Variants in PIK3AP1 observed in about 807,000 individuals in gnomAD.
The protein encoded by PIK3AP1 is phosphoinositide-3-kinase adaptor protein 1, also known as phosphoinositide 3-kinase adapter protein 1.
Under a neutral mutation model 88.1 loss-of-function variants are expected in PIK3AP1, and 21 were observed. That is an observed-to-expected ratio of 0.24 (90% CI 0.17 to 0.34). The LOEUF is 0.34. Ranked by LOEUF, PIK3AP1 falls within the 10% of genes least tolerant of loss-of-function variation. PIK3AP1 has a pLI of 1.00. For synonymous variants in PIK3AP1, 398 were observed against 400.0 expected (o/e 1.00, Z 0.06); for missense variants, 828 against 1,035.7 (o/e 0.80, Z 2.75).
intron 3 of PIK3AP1, 82 bp downstream of exon 3, chr10:96,656,716 C>G: frequency 6.4e-7 from 1 of 1,555,332 alleles, no homozygotes; most frequent in African/African-American, 1.4e-5. Flanking sequence ...TACAAGAAAC[C>G]ACTCTCTTTA....
At position 96,691,217 on chromosome 10, in the gene PIK3AP1, A is replaced by G. The variant is rs1018778268; in HGVS notation, c.430+18350T>C. Among the ~76,000 whole-genome samples the G allele has an allele frequency of 2.0e-5, 3 of 152,092 alleles. No individual in the cohort carries two copies. The South Asian group carries it at 6.2e-4, about 32-fold the overall frequency. ...TGTCTGTACCTCCCCGAAACCCTCA[A>G]ACTAACTCCCCACTCTCCCCACCTC... On this transcript the variant is annotated intron_variant, in intron 2 of 16. Transcript: ENST00000339364.
rs35035564 is a variant in PIK3AP1 at position 96,648,752 on chromosome 10, C to G, written c.1092G>C (p.Ala364=). Residue 364 remains alanine (A), a synonymous_variant, in exon 7 of 17, where the codon GCG becomes GCC. Coordinates refer to ENST00000339364, the MANE Select transcript of PIK3AP1 (RefSeq NM_152309.3). ...LLLTCPGALQ[A]YSVANKHGHY... ...GGCCATGCTTGTTGGCCACGCTGTA[C>G]GCCTGCAGGGCTCCTGGGCAGGTGA... 6.8e-6 allele frequency: 11 copies of G among 1,610,686 alleles called. No individual in the cohort carries two copies. In the Admixed American group the frequency reaches 1.0e-4, roughly 15 times the overall value.
intron 2 of PIK3AP1, among the ~76,000 whole-genome samples, chr10:96,704,455 C>T (rs1444331353): frequency 3.9e-5 from 6 of 152,262 alleles, no homozygotes; most frequent in East Asian, 1.9e-4. Context: ...CGGTGGCTCA[C>T]GCCTGTAATC....
chr10:96,670,148 A>G (rs1180029162), intron 2 of PIK3AP1, among the ~76,000 whole-genome samples: 4 of 126,794 alleles, frequency 3.2e-5, no homozygotes, highest in Non-Finnish European at 6.8e-5. Context: ...ACTAAGCAAG[A>G]CTCCATCAAA....
intron 2 of PIK3AP1, among the ~76,000 whole-genome samples, chr10:96,685,891 G>T (rs1844061072): frequency 6.6e-6 from 1 of 152,272 alleles, no homozygotes; most frequent in Middle Eastern, 3.4e-3. Flanking sequence ...ACAGACTAAT[G>T]CCCACACACT....
intron 12 of PIK3AP1, among the ~76,000 whole-genome samples, chr10:96,618,495 C>T (rs1323398643): frequency 6.6e-6 from 1 of 151,328 alleles, no homozygotes; most frequent in Non-Finnish European, 1.5e-5. Context: ...TTCCAGCAGA[C>T]TGAGTTAGTG....
intron 2 of PIK3AP1, among the ~76,000 whole-genome samples, chr10:96,661,828 AGGAAAGGAAAGGGAAAAGGGAAAG>A (rs772289817): frequency 8.6e-4 from 126 of 147,336 alleles, no homozygotes; most frequent in South Asian, 1.9e-3. Flanking sequence ...AGGACAGGAC[AGGAAAGGAAAGGGAAAAGGGAAAG>A]GGAAAGGAAA....
chr10:96,637,460 C>A (rs769543884), intron 8 of PIK3AP1, among the ~76,000 whole-genome samples: 2 of 152,002 alleles, frequency 1.3e-5, no homozygotes, highest in Non-Finnish European at 2.9e-5. Flanking sequence ...ATTTCCCAGG[C>A]GATCCTCCCA....
intron 8 of PIK3AP1, among the ~76,000 whole-genome samples, chr10:96,631,065 C>T (rs996395181): frequency 6.6e-6 from 1 of 152,130 alleles, no homozygotes. Flanking sequence ...AGGAACTTAC[C>T]CCCAAGGGAA....
At chr10:96,645,209 C>A (rs143117138) in intron 8 of PIK3AP1, among the ~76,000 whole-genome samples, 1 of 152,278 alleles carries the variant, frequency 6.6e-6, no homozygotes, top group African/African-American at 2.4e-5. Flanking sequence ...TTTGGCCTCT[C>A]AGATCACGAG....
intron 14 of PIK3AP1, among the ~76,000 whole-genome samples, chr10:96,604,344 ATTTTTTTTTTTTTTTTTTT>A (rs66487275): frequency 2.6e-5 from 2 of 77,126 alleles, no homozygotes; most frequent in Non-Finnish European, 2.4e-5. Flanking sequence ...CACCTAGCCA[ATTTTTTTTTTTTTTTTTTT>A]TTTTTTTTTT....
intron 16 of PIK3AP1, 136 bp downstream of exon 16, chr10:96,602,144 A>G: frequency 1.4e-6 from 1 of 694,028 alleles, no homozygotes; most frequent in Non-Finnish European, 2.3e-6. Context: ...TGGCCTCCCA[A>G]AGTGCTGGGA....
chr10:96,695,986 G>A lies in PIK3AP1; in HGVS notation c.430+13581C>T, dbSNP rs888568953. 5.9e-5 allele frequency among the ~76,000 whole-genome samples: 9 copies of A among 152,226 alleles called. No homozygotes were observed. The South Asian group carries it at 6.2e-4, about 11-fold the overall frequency. On this transcript the variant is annotated intron_variant, in intron 2 of 16. Coordinates refer to ENST00000339364, the MANE Select transcript of PIK3AP1 (RefSeq NM_152309.3). ...CTGTTTAGAAACACCCTATGTTACC[G>A]AAGACAAATTTGCTCCATGGAAATG...
intron 8 of PIK3AP1, among the ~76,000 whole-genome samples, chr10:96,638,877 A>G (rs1225684234): frequency 6.6e-6 from 1 of 152,226 alleles, no homozygotes; most frequent in African/African-American, 2.4e-5. Flanking sequence ...GGCAAGTTTC[A>G]TGCCAGCTTG....
chr10:96,699,821 C>T (rs76865836), intron 2 of PIK3AP1, among the ~76,000 whole-genome samples: 3,962 of 152,210 alleles, frequency 0.026, 166 homozygotes, highest in African/African-American at 0.091. Flanking sequence ...ATCTTTAAAA[C>T]GGAAATAACA....
At chr10:96,624,947 A>G (rs1843135448) in intron 10 of PIK3AP1, among the ~76,000 whole-genome samples, 1 of 152,184 alleles carries the variant, frequency 6.6e-6, no homozygotes, top group East Asian at 1.9e-4. Flanking sequence ...ACCAGCATAT[A>G]TTTGCATGCT....
chr10:96,665,523 G>A (rs1320896768), intron 2 of PIK3AP1, among the ~76,000 whole-genome samples: 5 of 152,162 alleles, frequency 3.3e-5, no homozygotes, highest in Non-Finnish European at 5.9e-5. Context: ...CAGTATATGA[G>A]TCACTGTCTC....
At position 96,636,365 on chromosome 10, in the gene PIK3AP1, C is replaced by T. The variant is rs141761275; in HGVS notation, c.1376-7872G>A. On this transcript the variant is annotated intron_variant, in intron 8 of 16. Coordinates refer to ENST00000339364, the MANE Select transcript of PIK3AP1 (RefSeq NM_152309.3). The stretch of plus-strand genomic sequence containing the variant: ...TAGGCACTAAGTCCTGGTAGTAGCA[C>T]ATATTATCTTTGTAATAACACTTTT... 8.5e-5 allele frequency among the ~76,000 whole-genome samples: 13 copies of T among 152,304 alleles called. No homozygotes were observed. In the East Asian group the frequency reaches 2.5e-3, roughly 29 times the overall value.
chr10:96,633,302 G>C (rs1843271607), intron 8 of PIK3AP1: 1 of 377,680 alleles, frequency 2.6e-6, no homozygotes, highest in Admixed American at 4.5e-5. Context: ...AGGTTACCGG[G>C]GTAACAGAGC....
Sources: gnomAD v4.1 joint callset for allele counts (sites outside exome capture counted in the v4.1 genomes callset) on GRCh38, gnomAD v4.1.1 for gene constraint, MANE v1.5 for transcripts, NCBI Gene and HGNC (gene_info 2026-07-23, HGNC 2026-07-21) for gene names.